STRADA: variants seen among roughly 807,000 people sequenced by gnomAD.
The protein encoded by STRADA is STE20-related kinase adapter protein alpha.
Under a neutral mutation model 55.0 loss-of-function variants are expected in STRADA, and 26 were observed. That is an observed-to-expected ratio of 0.47 (90% confidence interval 0.35 to 0.66). The LOEUF (loss-of-function observed/expected upper bound fraction) is 0.66. Ranked by LOEUF, STRADA falls within the 30% of genes least tolerant of loss-of-function variation. The pLI is 0.01. For synonymous variants in STRADA, 197 were observed against 210.9 expected (o/e 0.93, Z 0.57); for missense variants, 443 against 549.7 (o/e 0.81, Z 1.94).
chr17:63,741,733 G>A lies in STRADA; in HGVS notation c.-45+8C>T, dbSNP rs555344595. 2.4e-4 allele frequency: 37 copies of A among 152,622 alleles called. No individual in the cohort carries two copies. In the South Asian group the frequency reaches 6.4e-3, roughly 26 times the overall value. The allele number at this position is 152,622 out of a possible 1,614,324, so 9.5% of individuals were successfully genotyped here. On this transcript the variant is annotated splice_region_variant and intron_variant, in intron 1 of 12. Transcript: ENST00000336174. Reference sequence around the variant, plus strand: ...GGCAGCGTACCAGGCACCCCGCCAGGCAGGTACCTGTTCCTGGAGTTAGCA... The same window carrying A: ...GGCAGCGTACCAGGCACCCCGCCAGACAGGTACCTGTTCCTGGAGTTAGCA...
At chr17:63,740,107 T>TATATATATATATATATATATATAAAC (rs1309095081) in intron 1 of STRADA, among the ~76,000 whole-genome samples, 1 of 49,646 alleles carries the variant, frequency 2.0e-5, no homozygotes, top group Non-Finnish European at 3.7e-5. Flanking sequence ...TATATATATA[T>TATATATATATATATATATATATAAAC]ACATACATAC....
chr17:63,719,002 T>G (rs1272617910), intron 4 of STRADA: 2 of 152,258 alleles, frequency 1.3e-5, no homozygotes, highest in African/African-American at 2.4e-5. Flanking sequence ...TCATGTTCAC[T>G]GATGTATTCC....
At chr17:63,726,920 A>C in intron 2 of STRADA, 2 of 581,874 alleles carry the variant, frequency 3.4e-6, no homozygotes, top group South Asian at 4.3e-5. Flanking sequence ...TAAATTTGAC[A>C]GATGAGAAAT....
At position 63,703,177 on chromosome 17, in the gene STRADA, C is replaced by CCT. The variant is rs2035837201; in HGVS notation, c.*420_*421dup. The CCT allele has an allele frequency of 7.0e-5, 12 of 172,254 alleles. No individual in the cohort carries two copies. The South Asian group carries it at 1.3e-3, about 19-fold the overall frequency. The allele number at this position is 172,254 out of a possible 1,614,324, so 10.7% of individuals were successfully genotyped here. A position where few individuals can be genotyped will look rare whatever the true frequency, so the allele number is the denominator to read the frequency against. ...AGCTTACTACTTGCCCTTTCACTGA[C>CCT]CTATAGCATCTGAGGCATCTGAGAG... On this transcript the variant is annotated 3_prime_UTR_variant, in exon 13 of 13. Coordinates refer to ENST00000336174, the MANE Select transcript of STRADA (RefSeq NM_001003787.4).
chr17:63,739,527 T>C (rs1598287337), intron 1 of STRADA, among the ~76,000 whole-genome samples: 1 of 152,014 alleles, frequency 6.6e-6, no homozygotes, highest in East Asian at 1.9e-4. Context: ...CAAATTTCCT[T>C]AAAATGCAAA....
intron 5 of STRADA, 30 bp downstream of exon 5, chr17:63,713,976 C>T: frequency 1.3e-6 from 2 of 1,582,776 alleles, no homozygotes; most frequent in Non-Finnish European, 1.7e-6. Context: ...GAGCAGAAAG[C>T]AGGAGAGTAA....
At chr17:63,709,897 C>T (rs941168812) in intron 8 of STRADA, among the ~76,000 whole-genome samples, 1 of 152,140 alleles carries the variant, frequency 6.6e-6, no homozygotes, top group African/African-American at 2.4e-5. Flanking sequence ...GTACAAAGGT[C>T]CACATCAGAT....
chr17:63,708,823 T>A (rs192628799), intron 8 of STRADA, among the ~76,000 whole-genome samples: 78 of 152,354 alleles, frequency 5.1e-4, no homozygotes, highest in Non-Finnish European at 8.7e-4. Context: ...AGTGCTCTTG[T>A]ATGCTCTAGA....
At chr17:63,721,691 GCAAC>G (rs1305098919) in intron 4 of STRADA, among the ~76,000 whole-genome samples, 3 of 150,906 alleles carry the variant, frequency 2.0e-5, no homozygotes, top group Non-Finnish European at 4.4e-5. Flanking sequence ...TCCAGCCTGG[GCAAC>G]AGAGTGAGAT....
chr17:63,734,881 G>C (rs1651399875), intron 1 of STRADA, among the ~76,000 whole-genome samples: 1 of 152,128 alleles, frequency 6.6e-6, no homozygotes, highest in African/African-American at 2.4e-5. Flanking sequence ...AATTTGGCTG[G>C]GCACGGTGGC....
intron 5 of STRADA, 136 bp from the exon 6 acceptor site, chr17:63,713,663 T>C (rs1281815750): frequency 5.4e-6 from 6 of 1,111,060 alleles, no homozygotes; most frequent in Non-Finnish European, 5.1e-6. Context: ...TTTTTTTTTT[T>C]CCTTTTCCCA....
At chr17:63,723,347 GT>G in intron 3 of STRADA, 21 bp from the exon 4 acceptor site, 2 of 1,614,162 alleles carry the variant, frequency 1.2e-6, no homozygotes, top group Non-Finnish European at 1.7e-6. Flanking sequence ...GAAATTGATT[GT>G]TGGCATTTTG....
At chr17:63,704,160 GGGAAGCAGTGGCCA>G in intron 11 of STRADA, 113 bp from the exon 12 acceptor site, 1 of 1,529,298 alleles carries the variant, frequency 6.5e-7, no homozygotes, top group Non-Finnish European at 8.8e-7. Context: ...CTCAGCTCAT[GGGAAGCAGTGGCCA>G]GAGCTCCCCA....
chr17:63,713,286 C>G, intron 6 of STRADA, 120 bp downstream of exon 6: 1 of 1,393,902 alleles, frequency 7.2e-7, no homozygotes, highest in Non-Finnish European at 9.7e-7. Context: ...GGATTCTCCA[C>G]TGAAAGCTTC....
At chr17:63,727,491 T>C (rs2037739561) in intron 2 of STRADA, 1 of 152,220 alleles carries the variant, frequency 6.6e-6, no homozygotes, top group Non-Finnish European at 1.5e-5. Flanking sequence ...CTCTTTCTAA[T>C]ATAAATTGTT....
chr17:63,706,185 C>A, intron 10 of STRADA: 1 of 154,378 alleles, frequency 6.5e-6, no homozygotes, highest in Non-Finnish European at 1.4e-5. Flanking sequence ...GGACAGGCAT[C>A]TGGAGGGTCA....
intron 5 of STRADA, 101 bp from the exon 6 acceptor site, chr17:63,713,628 T>A (rs556993174): frequency 6.7e-7 from 1 of 1,493,958 alleles, no homozygotes; most frequent in Non-Finnish European, 9.1e-7. Flanking sequence ...AGAAACTTAA[T>A]GTTAAATTTT....
intron 1 of STRADA, among the ~76,000 whole-genome samples, chr17:63,731,796 T>C (rs1390786074): frequency 6.6e-6 from 1 of 152,140 alleles, no homozygotes. Flanking sequence ...ATAGATGTTT[T>C]TATCTGCAAA....
At chr17:63,723,255 T>G in intron 4 of STRADA, 43 bp downstream of exon 4, 1 of 1,608,832 alleles carries the variant, frequency 6.2e-7, no homozygotes, top group Non-Finnish European at 8.5e-7. Context: ...AGAAGTCATC[T>G]CCATGCAACA....
Sources: allele counts gnomAD v4.1 joint callset (sites outside exome capture counted in the v4.1 genomes callset), GRCh38; gene constraint gnomAD v4.1.1; transcripts MANE v1.5; gene names NCBI Gene and HGNC (gene_info 2026-07-23, HGNC 2026-07-21).